P3H2: variants seen among roughly 807,000 people sequenced by gnomAD.
P3H2 encodes the protein prolyl 3-hydroxylase 2.
P3H2 carries 80 observed loss-of-function variants against 87.0 expected under a neutral mutation model. The observed-to-expected ratio is 0.92, with a 90% CI of 0.77 to 1.11. P3H2 has a LOEUF of 1.11. P3H2 is among the 50% of genes least tolerant of loss of function. P3H2 has a pLI of 0.00. For missense variants in P3H2, 1,001 were observed against 923.9 expected (o/e 1.08, Z -1.08); for synonymous variants, 367 against 359.3 (o/e 1.02, Z -0.24).
chr3:190,094,540 C>T (rs1236556365), intron 1 of P3H2, among the ~76,000 whole-genome samples: 1 of 152,138 alleles, frequency 6.6e-6, no homozygotes, highest in African/African-American at 2.4e-5. Flanking sequence ...TTCCACAGAA[C>T]CCAGGCACAG....
intron 8 of P3H2, among the ~76,000 whole-genome samples, chr3:189,976,685 A>G (rs1723359730): frequency 6.6e-6 from 1 of 152,210 alleles, no homozygotes; most frequent in Admixed American, 6.5e-5. Flanking sequence ...GTTGGCGTTA[A>G]TATGACCATA....
intron 14 of P3H2, among the ~76,000 whole-genome samples, chr3:189,962,139 T>G (rs929780350): frequency 6.7e-6 from 1 of 149,002 alleles, no homozygotes; most frequent in Non-Finnish European, 1.5e-5. Flanking sequence ...TGTCAGGGCC[T>G]TTCTTTCTTT....
chr3:190,074,690 G>T (rs1726812142), intron 1 of P3H2, among the ~76,000 whole-genome samples: 1 of 151,952 alleles, frequency 6.6e-6, no homozygotes, highest in South Asian at 2.1e-4. Flanking sequence ...AGAGATGGAG[G>T]GTGCATGTAC....
intron 1 of P3H2, among the ~76,000 whole-genome samples, chr3:190,024,324 G>A (rs1011119106): frequency 6.6e-6 from 1 of 151,948 alleles, no homozygotes; most frequent in Non-Finnish European, 1.5e-5. Context: ...GGTTCACGAG[G>A]TCAGGAGTTC....
intron 8 of P3H2, among the ~76,000 whole-genome samples, chr3:189,978,884 C>T (rs913448564): frequency 6.6e-6 from 1 of 152,150 alleles, no homozygotes; most frequent in African/African-American, 2.4e-5. Flanking sequence ...TCAGCCAATT[C>T]TTAACCACAG....
chr3:190,120,616 C>G lies in P3H2; in HGVS notation c.116G>C (p.Gly39Ala), dbSNP rs1258556613. Reference sequence around the variant, plus strand: ...GAGCAGGTCGAAGGGCTGCAGAGGCCCGGGCTCCAGCTCCAGCTCCCGGCG... The same window carrying G: ...GAGCAGGTCGAAGGGCTGCAGAGGCGCGGGCTCCAGCTCCAGCTCCCGGCG... ...SPRRELELEP[G>A]PLQPFDLLYA... Residue 39 changes from glycine (G) to alanine (A), a missense_variant, in exon 1 of 15, where the codon GGG becomes GCG. By Grantham distance (60) the Gly-to-Ala change is moderately conservative. Transcript: ENST00000319332. 1.3e-6 allele frequency: 2 copies of G among 1,539,728 alleles called. No individual in the cohort carries two copies. The highest frequency in any genetic ancestry group is 1.9e-5 in the Admixed American group (1 of 52,900).
At chr3:189,964,391 A>T (rs1722911087) in intron 13 of P3H2, among the ~76,000 whole-genome samples, 1 of 152,370 alleles carries the variant, frequency 6.6e-6, no homozygotes, top group South Asian at 2.1e-4. Context: ...CTGCAAATTC[A>T]AAGAAGGCAA....
chr3:189,964,773 A>G (rs561950505), intron 13 of P3H2, among the ~76,000 whole-genome samples: 1 of 152,356 alleles, frequency 6.6e-6, no homozygotes, highest in South Asian at 2.1e-4. Flanking sequence ...AAGTGTTTTA[A>G]GACTGACACA....
At chr3:189,983,265 G>A (rs1723594163) in intron 7 of P3H2, 125 bp from the exon 8 acceptor site, 1 of 709,524 alleles carries the variant, frequency 1.4e-6, no homozygotes, top group Admixed American at 2.5e-5. Context: ...AAGTTCACCT[G>A]TCTTTTAAAG....
chr3:190,012,207 G>GGTGTGT lies in P3H2; in HGVS notation c.481-16771_481-16766dup, dbSNP rs3062120. On this transcript the variant is annotated intron_variant, in intron 1 of 14. Coordinates refer to ENST00000319332, the MANE Select transcript of P3H2 (RefSeq NM_018192.4). ...AGGTGTGTGCCTGTGTGTAGGTAAA[G>GGTGTGT]GTGTGTGTGTGTGTGTGTGTGTGTG... is the stretch of plus-strand genomic sequence containing the variant. Among the ~76,000 whole-genome samples, 1,449 of 145,676 alleles carry GGTGTGT rather than the reference G, an allele frequency of 9.9e-3. 14 individuals carry two copies. The highest frequency in any genetic ancestry group is 0.016 in the African/African-American group (637 of 38,936).
At chr3:190,008,385 C>T (rs567268565) in intron 1 of P3H2, among the ~76,000 whole-genome samples, 133 of 152,070 alleles carry the variant, frequency 8.7e-4, no homozygotes, top group Middle Eastern at 3.4e-3. Flanking sequence ...CCCAGAATAA[C>T]GCAAATTAAA....
At position 189,995,343 on chromosome 3, in the gene P3H2, T is replaced by C. The variant is rs1295625317; in HGVS notation, c.580A>G (p.Thr194Ala). Residue 194 changes from threonine to alanine, a missense_variant, in exon 2 of 15, where the codon ACA becomes GCA. Transcript: ENST00000319332. ...MQQNIENYRA[T>A]AGVEALQLVD... ...AACTGCAATGCTTCAACACCAGCTGTCGCCCTGTAATTCTCAATGTTCTGC... is the reference window on the plus strand; with the variant it reads ...AACTGCAATGCTTCAACACCAGCTGCCGCCCTGTAATTCTCAATGTTCTGC... 7 of 1,614,004 alleles carry C rather than the reference T, an allele frequency of 4.3e-6. No individual in the cohort carries two copies. In the East Asian group the frequency reaches 1.3e-4, roughly 31 times the overall value.
chr3:189,989,298 C>A (rs1442547926), intron 3 of P3H2, among the ~76,000 whole-genome samples: 1 of 152,172 alleles, frequency 6.6e-6, no homozygotes, highest in Admixed American at 6.5e-5. Context: ...CTCACTTTTC[C>A]CTTCCCATGT....
intron 1 of P3H2, among the ~76,000 whole-genome samples, chr3:190,003,152 C>G (rs1006236470): frequency 9.2e-5 from 14 of 152,152 alleles, no homozygotes; most frequent in Admixed American, 5.9e-4. Flanking sequence ...AATGAACATG[C>G]TTTCTTAAAG....
At chr3:190,118,962 C>T (rs184914904) in intron 1 of P3H2, among the ~76,000 whole-genome samples, 2 of 151,396 alleles carry the variant, frequency 1.3e-5, no homozygotes, top group East Asian at 2.0e-4. Context: ...AAAATTAGCC[C>T]GGCATGGTGG....
chr3:190,094,705 A>G (rs942171382), intron 1 of P3H2, among the ~76,000 whole-genome samples: 2 of 152,208 alleles, frequency 1.3e-5, no homozygotes, highest in Admixed American at 1.3e-4. Flanking sequence ...TGAGATAATA[A>G]AAAGACATAT....
Position 189,983,031 on chromosome 3 carries a change from T to C in P3H2, c.1324+15A>G, listed in dbSNP as rs778827292. ...CTTCCCCTCCTTTATAGGGTAAAAGTGCACAGCTACTTACCTTCTCTTAGG... is the reference window on the plus strand; with the variant it reads ...CTTCCCCTCCTTTATAGGGTAAAAGCGCACAGCTACTTACCTTCTCTTAGG... On this transcript the variant is annotated intron_variant, in intron 8 of 14. Transcript: ENST00000319332. 1 of 1,597,286 alleles carries C rather than the reference T, an allele frequency of 6.3e-7. No homozygotes were observed. The highest frequency in any genetic ancestry group is 1.7e-5 in the Admixed American group (1 of 59,982).
intron 1 of P3H2, among the ~76,000 whole-genome samples, chr3:190,098,272 A>C (rs769695685): frequency 3.3e-5 from 5 of 152,198 alleles, no homozygotes; most frequent in African/African-American, 4.8e-5. Context: ...CTAAGTTTCC[A>C]AAAAATGTAT....
chr3:190,094,443 T>A (rs563126919), intron 1 of P3H2, among the ~76,000 whole-genome samples: 224 of 152,362 alleles, frequency 1.5e-3, no homozygotes, highest in Non-Finnish European at 2.7e-3. Context: ...AGAACCATTC[T>A]AGACAGACTT....
Sources: allele counts gnomAD v4.1 joint callset (sites outside exome capture counted in the v4.1 genomes callset), GRCh38; gene constraint gnomAD v4.1.1; transcripts MANE v1.5; gene names NCBI Gene and HGNC (gene_info 2026-07-23, HGNC 2026-07-21).